VPS37B: variants seen among roughly 807,000 people sequenced by gnomAD.
VPS37B encodes VPS37B subunit of ESCRT-I.
Under a neutral mutation model 21.2 loss-of-function variants are expected in VPS37B, and 11 were observed. That is an observed-to-expected ratio of 0.52 (90% confidence interval 0.33 to 0.86). The LOEUF (loss-of-function observed/expected upper bound fraction) is 0.86, where lower values mean the gene tolerates loss of function less well. Among genes scored for constraint, VPS37B ranks in the 40% least tolerant of loss-of-function variants. VPS37B has a pLI of 0.03. For synonymous variants in VPS37B, 175 were observed against 159.6 expected (o/e 1.10, Z -0.73); for missense variants, 389 against 374.8 (o/e 1.04, Z -0.31).
At chr12:122,872,821 G>T in intron 1 of VPS37B, 1 of 435,162 alleles carries the variant, frequency 2.3e-6, no homozygotes, top group African/African-American at 2.1e-5. Context: ...ACAAAAACCT[G>T]CTCAGGACTG....
rs1368968874 is a variant in VPS37B at position 122,891,586 on chromosome 12, G to A, written c.111+4366C>T. 5.3e-5 allele frequency among the ~76,000 whole-genome samples: 8 copies of A among 152,116 alleles called. No homozygotes were observed. In the South Asian group the frequency reaches 1.2e-3, roughly 24 times the overall value. ...AAAGGTCCATGGAAAAGATTTAAAC[G>A]TAAAAGTTGAAGCCTTTACACGTAC... On this transcript the variant is annotated intron_variant, in intron 1 of 3. Transcript: ENST00000267202.
chr12:122,888,491 G>C (rs752822863), intron 1 of VPS37B: 1 of 453,456 alleles, frequency 2.2e-6, no homozygotes, highest in Admixed American at 2.4e-5. Flanking sequence ...GCTGGCACAC[G>C]GTCTTCTAGA....
chr12:122,891,964 T>A (rs2034418058), intron 1 of VPS37B, among the ~76,000 whole-genome samples: 1 of 151,316 alleles, frequency 6.6e-6, no homozygotes. Flanking sequence ...GTTAGTGGAA[T>A]CTTTAGCAGT....
chr12:122,878,357 C>CAAAAAAAAA (rs142113744), intron 1 of VPS37B: 1 of 61,380 alleles, frequency 1.6e-5, no homozygotes. Flanking sequence ...GACTCCGTCT[C>CAAAAAAAAA]AAAAAAAAAA....
intron 1 of VPS37B, chr12:122,881,980 C>T (rs2034253633): frequency 6.6e-6 from 1 of 152,122 alleles, no homozygotes; most frequent in African/African-American, 2.4e-5. Context: ...CATCATCATT[C>T]ATGCTTAAAA....
Position 122,867,076 on chromosome 12 carries a change from C to G in VPS37B, c.*40G>C. 1 of 1,486,100 alleles carries G rather than the reference C, an allele frequency of 6.7e-7. No individual in the cohort carries two copies. The highest frequency in any genetic ancestry group is 8.9e-7 in the Non-Finnish European group (1 of 1,121,434). 92.1% of individuals were successfully genotyped at this position (1,486,100 alleles called of 1,614,324 possible). On this transcript the variant is annotated 3_prime_UTR_variant, in exon 4 of 4. Transcript: ENST00000267202. This position sits in a 1 kb window ranked among gnomAD's most constrained non-coding sequence, Gnocchi z 5.5. The stretch of plus-strand genomic sequence containing the variant: ...CTTCCCGTGAGCAGAGCACAACACG[C>G]CAGGTGGAAGAAGTCTCCCGGGAAG...
At chr12:122,878,258 C>A (rs2034188368) in intron 1 of VPS37B, 1 of 150,850 alleles carries the variant, frequency 6.6e-6, no homozygotes, top group Non-Finnish European at 1.5e-5. Flanking sequence ...ACTCAGGAGG[C>A]TGAGGCAAGA....
chr12:122,879,656 ATAGT>A (rs1465033432), intron 1 of VPS37B: 9 of 152,432 alleles, frequency 5.9e-5, no homozygotes, highest in South Asian at 2.1e-4. Flanking sequence ...CCTGACTGAA[ATAGT>A]TAGAACAGTT....
rs1367938271 is a variant in VPS37B, at chr12:122,868,922, CCA to C, written c.284-362_284-361del. On this transcript the variant is annotated intron_variant, in intron 2 of 3. Transcript: ENST00000267202. The surrounding 1 kb of genome is among the most constrained non-coding windows in gnomAD (Gnocchi z 5.5). ...AACCGCCAACCACCACCCCCCAGAT[CCA>C]GACACAGAACCTTTCCACCGGGCGC... Among the ~76,000 whole-genome samples, 1 of 152,132 alleles carries C rather than the reference CCA, an allele frequency of 6.6e-6. No homozygotes were observed. Among genetic ancestry groups the C allele is most frequent in the Non-Finnish European group, 1.5e-5 (1 of 68,022 alleles).
At chr12:122,869,709 G>C (rs1485148679) in intron 2 of VPS37B, among the ~76,000 whole-genome samples, 1 of 152,104 alleles carries the variant, frequency 6.6e-6, no homozygotes, top group East Asian at 1.9e-4. Flanking sequence ...TTCAGAGTAG[G>C]TGGGACTATA....
intron 1 of VPS37B, chr12:122,881,942 T>A (rs1013915954): frequency 1.2e-4 from 19 of 152,220 alleles, no homozygotes; most frequent in African/African-American, 4.3e-4. Flanking sequence ...CCGCTTTTTT[T>A]TAAAAGTAGT....
intron 1 of VPS37B, chr12:122,872,362 C>T: frequency 2.0e-6 from 2 of 985,448 alleles, no homozygotes; most frequent in Non-Finnish European, 2.4e-6. Context: ...ACAGCTGCAC[C>T]CAGGGCCCTA....
At chr12:122,871,115 CCT>C (rs1410063368) in intron 1 of VPS37B, 54 bp from the exon 2 acceptor site, 3 of 1,593,190 alleles carry the variant, frequency 1.9e-6, no homozygotes, top group East Asian at 2.2e-5. Context: ...CTCCTAAACC[CCT>C]GAGGTCCCCA....
At chr12:122,870,747 C>T (rs943918622) in intron 2 of VPS37B, 143 bp downstream of exon 2, 2 of 801,658 alleles carry the variant, frequency 2.5e-6, no homozygotes, top group African/African-American at 3.5e-5. Context: ...AAATAATATA[C>T]ATAAGCTATT....
intron 1 of VPS37B, chr12:122,872,063 T>G: frequency 2.0e-6 from 2 of 985,410 alleles, no homozygotes; most frequent in Non-Finnish European, 2.4e-6. Flanking sequence ...CCTTAATATT[T>G]TCTACCACCC....
intron 1 of VPS37B, chr12:122,886,097 T>C (rs1478988993): frequency 4.6e-5 from 7 of 152,204 alleles, no homozygotes; most frequent in Non-Finnish European, 1.0e-4. Flanking sequence ...TCCTTGATGA[T>C]CTAGAATTGT....
chr12:122,896,032 C>G lies in VPS37B; in HGVS notation c.31G>C (p.Ala11Pro). Reference protein sequence around the residue: MAGAGSEARFAGLSLVQLNEL... With the variant: MAGAGSEARFPGLSLVQLNEL... ...TTGAGCTGCACCAGCGACAGCCCGGCGAACCGGGCTTCGCTCCCGGCGCCC... is the reference window on the plus strand; with the variant it reads ...TTGAGCTGCACCAGCGACAGCCCGGGGAACCGGGCTTCGCTCCCGGCGCCC... Residue 11 changes from alanine to proline, a missense_variant, in exon 1 of 4, where the codon GCC becomes CCC. Coordinates refer to ENST00000267202, the MANE Select transcript of VPS37B (RefSeq NM_024667.3). The G allele has an allele frequency of 1.9e-6, 3 of 1,589,972 alleles. No homozygotes were observed. Among genetic ancestry groups the G allele is most frequent in the Non-Finnish European group, 2.6e-6 (3 of 1,172,026 alleles).
intron 1 of VPS37B, 143 bp downstream of exon 1, chr12:122,895,809 C>G (rs2034483700): frequency 2.9e-6 from 2 of 692,648 alleles, no homozygotes; most frequent in African/African-American, 1.9e-5. Context: ...GCTCCCGCAC[C>G]CCGCCCCAAG....
At chr12:122,882,949 T>C (rs1041202093) in intron 1 of VPS37B, 1 of 152,226 alleles carries the variant, frequency 6.6e-6, no homozygotes, top group Admixed American at 6.5e-5. Context: ...AACTTAACAG[T>C]TGCGGAGTTG....
Sources: gnomAD v4.1 joint callset for allele counts (sites outside exome capture counted in the v4.1 genomes callset) on GRCh38, gnomAD v4.1.1 for gene constraint, Gnocchi (gnomAD v3.1) non-coding constraint, MANE v1.5 for transcripts, NCBI Gene and HGNC (gene_info 2026-07-23, HGNC 2026-07-21) for gene names.